The following ELF5 variants were observed in gnomAD, a reference collection of about 807,000 sequenced individuals.
ELF5 encodes the protein E74 like ETS transcription factor 5, also known as ETS-related transcription factor Elf-5.
ELF5 carries 31 observed loss-of-function variants against 38.2 expected under a neutral mutation model. The observed-to-expected ratio is 0.81, with a 90% CI of 0.61 to 1.10. The LOEUF (loss-of-function observed/expected upper bound fraction) is 1.10. Ranked by LOEUF, ELF5 falls within the 50% of genes least tolerant of loss-of-function variation. The pLI is 0.00. For missense variants in ELF5, 300 were observed against 306.6 expected (o/e 0.98, Z 0.16); for synonymous variants, 121 against 112.5 (o/e 1.08, Z -0.48).
chr11:34,508,547 C>T (rs1056567587), intron 1 of ELF5, among the ~76,000 whole-genome samples: 2 of 152,044 alleles, frequency 1.3e-5, no homozygotes, highest in Non-Finnish European at 2.9e-5. Context: ...AAAAACTTTA[C>T]ATTTTTAAGT....
chr11:34,485,580 G>A (rs889348548), intron 4 of ELF5, among the ~76,000 whole-genome samples: 48 of 152,220 alleles, frequency 3.2e-4, no homozygotes, highest in African/African-American at 1.1e-3. Flanking sequence ...TGGATGAAGG[G>A]GATCTGGCTT....
At chr11:34,487,910 A>C (rs1014695620) in intron 4 of ELF5, among the ~76,000 whole-genome samples, 1 of 152,136 alleles carries the variant, frequency 6.6e-6, no homozygotes, top group African/African-American at 2.4e-5. Flanking sequence ...AGCTAATGCT[A>C]GACTCACTGG....
chr11:34,505,589 T>C (rs368968917), intron 2 of ELF5, 40 bp downstream of exon 2: 31 of 1,611,210 alleles, frequency 1.9e-5, no homozygotes, highest in South Asian at 4.4e-5. Context: ...CCCTAGCCCA[T>C]CCTGGCTGCA....
At chr11:34,513,005 C>G (rs1030251121) in intron 1 of ELF5, among the ~76,000 whole-genome samples, 1 of 152,188 alleles carries the variant, frequency 6.6e-6, no homozygotes, top group Non-Finnish European at 1.5e-5. Flanking sequence ...CGGCTTCAGC[C>G]TGAGGAGGGA....
intron 1 of ELF5, among the ~76,000 whole-genome samples, chr11:34,506,327 G>A (rs1197499303): frequency 6.6e-6 from 1 of 152,038 alleles, no homozygotes; most frequent in Non-Finnish European, 1.5e-5. Context: ...AGACACTGGG[G>A]ACTACCAGAG....
chr11:34,487,067 C>T (rs144493754), intron 4 of ELF5, among the ~76,000 whole-genome samples: 264 of 152,204 alleles, frequency 1.7e-3, no homozygotes, highest in Admixed American at 3.5e-3. Flanking sequence ...CGTCTTCATA[C>T]CTCCCCTTGT....
intron 4 of ELF5, among the ~76,000 whole-genome samples, chr11:34,484,509 T>G (rs1349071830): frequency 6.6e-6 from 1 of 151,486 alleles, no homozygotes; most frequent in African/African-American, 2.4e-5. Flanking sequence ...TATACTATAC[T>G]ATACTATACT....
At chr11:34,498,149 C>A (rs955138058) in intron 2 of ELF5, among the ~76,000 whole-genome samples, 37 of 151,994 alleles carry the variant, frequency 2.4e-4, no homozygotes, top group African/African-American at 8.9e-4. Flanking sequence ...TCCTTGGACT[C>A]GTCTGCAAAA....
intron 2 of ELF5, 56 bp from the exon 3 acceptor site, chr11:34,493,768 G>T: frequency 6.7e-7 from 1 of 1,482,332 alleles, no homozygotes; most frequent in Non-Finnish European, 9.3e-7. Context: ...CCTTCGAGAG[G>T]GCCCCTGAAG....
At chr11:34,499,013 C>T (rs890214245) in intron 2 of ELF5, among the ~76,000 whole-genome samples, 25 of 151,906 alleles carry the variant, frequency 1.6e-4, no homozygotes, top group Admixed American at 2.6e-4. Context: ...ATTGCTTGAA[C>T]CCGGGAGGTG....
chr11:34,481,898 A>G (rs1430552718), intron 5 of ELF5, among the ~76,000 whole-genome samples: 1 of 152,220 alleles, frequency 6.6e-6, no homozygotes, highest in Non-Finnish European at 1.5e-5. Flanking sequence ...AGTGGTTAGA[A>G]TTATGCCCAG....
At chr11:34,511,060 C>T (rs184979546) in intron 1 of ELF5, among the ~76,000 whole-genome samples, 140 of 152,282 alleles carry the variant, frequency 9.2e-4, no homozygotes, top group African/African-American at 3.2e-3. Context: ...TAAAACAGCC[C>T]CCAAGGTCTG....
intron 4 of ELF5, among the ~76,000 whole-genome samples, chr11:34,484,899 C>T (rs1849945997): frequency 6.6e-6 from 1 of 152,192 alleles, no homozygotes; most frequent in African/African-American, 2.4e-5. Context: ...GGACCTCTCA[C>T]AAGACCTCTT....
chr11:34,481,125 C>G (rs1197456694), intron 5 of ELF5, among the ~76,000 whole-genome samples, 158 bp from the exon 6 acceptor site: 1 of 152,006 alleles, frequency 6.6e-6, no homozygotes, highest in Non-Finnish European at 1.5e-5. Context: ...TGGGTTCAAG[C>G]GATTCTTCTG....
intron 2 of ELF5, among the ~76,000 whole-genome samples, chr11:34,494,665 A>T (rs1381590067): frequency 6.6e-6 from 1 of 152,208 alleles, no homozygotes; most frequent in Non-Finnish European, 1.5e-5. Flanking sequence ...CTTAGGAGAA[A>T]TGGAAAGTGG....
chr11:34,505,870 C>T, intron 1 of ELF5, 117 bp from the exon 2 acceptor site: 1 of 1,297,110 alleles, frequency 7.7e-7, no homozygotes, highest in Non-Finnish European at 1.0e-6. Context: ...AAATATGTCA[C>T]TCACTAGGAG....
intron 1 of ELF5, among the ~76,000 whole-genome samples, chr11:34,509,246 C>T (rs1165920894): frequency 6.6e-6 from 1 of 152,062 alleles, no homozygotes; most frequent in Non-Finnish European, 1.5e-5. Context: ...ATGAGAATCA[C>T]GAACCCAGGA....
chr11:34,502,710 C>T (rs968897829), intron 2 of ELF5, among the ~76,000 whole-genome samples: 1 of 152,332 alleles, frequency 6.6e-6, no homozygotes, highest in Non-Finnish European at 1.5e-5. Flanking sequence ...CCTCAGGGAG[C>T]CTTAGGAACC....
intron 2 of ELF5, among the ~76,000 whole-genome samples, chr11:34,499,366 T>G (rs1850398616): frequency 6.6e-6 from 1 of 151,876 alleles, no homozygotes; most frequent in Non-Finnish European, 1.5e-5. Flanking sequence ...CTCAGCCTCT[T>G]GAGTAGCTGG....
Sources: gnomAD v4.1 joint callset for allele counts (sites outside exome capture counted in the v4.1 genomes callset) on GRCh38, gnomAD v4.1.1 for gene constraint, MANE v1.5 for transcripts, NCBI Gene and HGNC (gene_info 2026-07-23, HGNC 2026-07-21) for gene names.